TBC1D5: variants seen among roughly 807,000 people sequenced by gnomAD.
The protein encoded by TBC1D5 is TBC1 domain family member 5.
Under a neutral mutation model 100.3 loss-of-function variants are expected in TBC1D5, and 75 were observed. The observed-to-expected ratio is 0.75, with a 90% CI of 0.62 to 0.91. TBC1D5 has a LOEUF of 0.91. TBC1D5 is among the 40% of genes least tolerant of loss of function. TBC1D5 has a pLI of 0.00. For missense variants in TBC1D5, 910 were observed against 942.4 expected (o/e 0.97, Z 0.45); for synonymous variants, 323 against 325.6 (o/e 0.99, Z 0.09).
At chr3:17,391,752 T>A (rs546182698) in intron 8 of TBC1D5, among the ~76,000 whole-genome samples, 1 of 151,530 alleles carries the variant, frequency 6.6e-6, no homozygotes, top group South Asian at 2.1e-4. Context: ...GAAAAAAAAA[T>A]GGAGGAAAGG....
At chr3:17,699,490 A>G (rs1476265978) in intron 1 of TBC1D5, among the ~76,000 whole-genome samples, 5 of 144,714 alleles carry the variant, frequency 3.5e-5, no homozygotes, top group African/African-American at 1.3e-4. Flanking sequence ...ACATGTATAC[A>G]TATGTAACTA....
chr3:17,270,633 C>T (rs1420440927), intron 15 of TBC1D5, among the ~76,000 whole-genome samples: 3 of 152,166 alleles, frequency 2.0e-5, no homozygotes, highest in Admixed American at 6.5e-5. Flanking sequence ...AATGAGTTCT[C>T]ACTTGTCAGT....
chr3:17,195,742 T>G (rs1262964764), intron 18 of TBC1D5, among the ~76,000 whole-genome samples: 1 of 131,472 alleles, frequency 7.6e-6, no homozygotes, highest in Non-Finnish European at 1.5e-5. Context: ...GGAACAGCCT[T>G]GATATTTCTT....
intron 2 of TBC1D5, among the ~76,000 whole-genome samples, chr3:17,581,569 C>G (rs2153535390): frequency 6.6e-6 from 1 of 152,294 alleles, no homozygotes; most frequent in South Asian, 2.1e-4. Context: ...GCCAAACACT[C>G]TTGGAGTCAT....
rs1218177243 is a variant in TBC1D5 at position 17,446,709 on chromosome 3, C to T, written c.98-18190G>A. 2.0e-5 allele frequency among the ~76,000 whole-genome samples: 3 copies of T among 152,312 alleles called. No individual in the cohort carries two copies. The East Asian group carries it at 5.8e-4, about 29-fold the overall frequency. On this transcript the variant is annotated intron_variant, in intron 3 of 21. Transcript: ENST00000253692. Reference sequence around the variant, plus strand: ...ACATTGGGCCGGGCGCGGTGGCTCGCGCCTGTAATCCCAGCACTTTGGGAG... The same window carrying T: ...ACATTGGGCCGGGCGCGGTGGCTCGTGCCTGTAATCCCAGCACTTTGGGAG...
intron 18 of TBC1D5, among the ~76,000 whole-genome samples, chr3:17,203,585 G>A (rs1642982410): frequency 6.6e-6 from 1 of 152,186 alleles, no homozygotes; most frequent in Admixed American, 6.5e-5. Flanking sequence ...CTGAGTTGGA[G>A]GAGGGCCTGG....
chr3:17,430,162 T>C (rs2094421956), intron 3 of TBC1D5, among the ~76,000 whole-genome samples: 1 of 151,882 alleles, frequency 6.6e-6, no homozygotes, highest in South Asian at 2.1e-4. Context: ...TCTGTCTTGC[T>C]AAATGAAAAT....
At chr3:17,456,075 T>C (rs960984479) in intron 3 of TBC1D5, among the ~76,000 whole-genome samples, 1 of 152,174 alleles carries the variant, frequency 6.6e-6, no homozygotes, top group Non-Finnish European at 1.5e-5. Context: ...TAAATGGTAG[T>C]GTGAAAACTG....
intron 2 of TBC1D5, among the ~76,000 whole-genome samples, chr3:17,621,182 TA>T (rs576596182): frequency 1.3e-5 from 2 of 151,344 alleles, no homozygotes; most frequent in African/African-American, 4.9e-5. Context: ...TATCTCTAAA[TA>T]AAAAAAAATG....
chr3:17,263,387 GAGAAAGAAAAAAAAGAAATGA>G (rs2078532922), intron 15 of TBC1D5, among the ~76,000 whole-genome samples: 1 of 135,222 alleles, frequency 7.4e-6, no homozygotes, highest in Non-Finnish European at 1.6e-5. Flanking sequence ...AAAAAAAAAA[GAGAAAGAAAAAAAAGAAATGA>G]AGAAAGAAAA....
intron 19 of TBC1D5, among the ~76,000 whole-genome samples, chr3:17,171,282 GA>G (rs1002295284): frequency 1.3e-4 from 20 of 148,918 alleles, no homozygotes; most frequent in East Asian, 3.9e-4. Flanking sequence ...TTTCAGTTGT[GA>G]AAAAAAAAAG....
intron 13 of TBC1D5, among the ~76,000 whole-genome samples, chr3:17,319,469 A>T (rs283930): frequency 0.5 from 75,118 of 149,872 alleles, 20,276 homozygotes; most frequent in East Asian, 0.94. Context: ...GCGAAAAAGA[A>T]CTTAAAAGTT....
chr3:17,365,058 T>C (rs2092017911), intron 13 of TBC1D5, among the ~76,000 whole-genome samples: 1 of 152,214 alleles, frequency 6.6e-6, no homozygotes, highest in South Asian at 2.1e-4. Flanking sequence ...CCTCTTTAAA[T>C]TATTCACTAG....
chr3:17,442,165 T>C (rs1436904591), intron 3 of TBC1D5, among the ~76,000 whole-genome samples: 2 of 152,160 alleles, frequency 1.3e-5, no homozygotes, highest in Non-Finnish European at 2.9e-5. Context: ...AGAATCCCAT[T>C]TTTCAGAAAC....
intron 1 of TBC1D5, among the ~76,000 whole-genome samples, chr3:17,699,754 T>C (rs899966097): frequency 1.3e-4 from 20 of 151,176 alleles, no homozygotes; most frequent in Middle Eastern, 3.4e-3. Context: ...ATCCTTTCAA[T>C]GTATCTGATT....
intron 14 of TBC1D5, among the ~76,000 whole-genome samples, chr3:17,292,825 TG>T (rs1197537128): frequency 6.6e-6 from 1 of 152,234 alleles, no homozygotes; most frequent in African/African-American, 2.4e-5. Flanking sequence ...TTTTAACTTC[TG>T]TGGTTGCAAG....
At chr3:17,674,208 G>A (rs2068333928) in intron 1 of TBC1D5, among the ~76,000 whole-genome samples, 1 of 151,822 alleles carries the variant, frequency 6.6e-6, no homozygotes, top group Non-Finnish European at 1.5e-5. Flanking sequence ...AACCTTTCCT[G>A]CAGCCAAATT....
chr3:17,464,058 T>C (rs2095262051), intron 3 of TBC1D5, among the ~76,000 whole-genome samples: 1 of 151,404 alleles, frequency 6.6e-6, no homozygotes, highest in African/African-American at 2.4e-5. Context: ...TTCAAGTGAT[T>C]CTCCTGCCTC....
intron 19 of TBC1D5, among the ~76,000 whole-genome samples, chr3:17,177,448 A>G (rs1243480567): frequency 2.0e-5 from 3 of 152,224 alleles, no homozygotes; most frequent in East Asian, 1.9e-4. Context: ...ATTGCAGGCT[A>G]CATCAGGATG....
Sources: gnomAD v4.1 joint callset for allele counts (sites outside exome capture counted in the v4.1 genomes callset) on GRCh38, gnomAD v4.1.1 for gene constraint, MANE v1.5 for transcripts, NCBI Gene and HGNC (gene_info 2026-07-23, HGNC 2026-07-21) for gene names.